The following ENTREP2 variants were observed in gnomAD, a reference collection of about 807,000 sequenced individuals.
The protein encoded by ENTREP2 is endosomal transmembrane epsin interactor 2.
chr15:29,574,170 T>C, the ENTREP2 span, among the ~76,000 whole-genome samples: 2 of 152,242 alleles, frequency 1.3e-5, no homozygotes, highest in South Asian at 2.1e-4. Flanking sequence ...AAAAGCATTA[T>C]AATCATACAT....
chr15:29,510,400 T>C, the ENTREP2 span, among the ~76,000 whole-genome samples: 1 of 152,232 alleles, frequency 6.6e-6, no homozygotes, highest in African/African-American at 2.4e-5. Flanking sequence ...CATTACTGGG[T>C]ATATACCCAA....
the ENTREP2 span, among the ~76,000 whole-genome samples, chr15:29,171,398 T>C: frequency 6.6e-6 from 1 of 152,152 alleles, no homozygotes; most frequent in Non-Finnish European, 1.5e-5. Flanking sequence ...AGAGCCACCC[T>C]CACTCACATC....
chr15:29,513,883 C>T, the ENTREP2 span, among the ~76,000 whole-genome samples: 2 of 152,198 alleles, frequency 1.3e-5, no homozygotes, highest in East Asian at 3.9e-4. Flanking sequence ...CAATACCTGG[C>T]GCTGTTCTTG....
At chr15:29,371,617 G>A in the ENTREP2 span, among the ~76,000 whole-genome samples, 1 of 151,950 alleles carries the variant, frequency 6.6e-6, no homozygotes, top group African/African-American at 2.4e-5. Context: ...TTAAATGAGT[G>A]TTTCATAAAA....
At chr15:29,211,868 A>G in the ENTREP2 span, among the ~76,000 whole-genome samples, 1 of 150,896 alleles carries the variant, frequency 6.6e-6, no homozygotes, top group Non-Finnish European at 1.5e-5. Context: ...ATGTTGTTGG[A>G]TTTGGTTAGC....
the ENTREP2 span, among the ~76,000 whole-genome samples, chr15:29,648,311 T>A: frequency 1.3e-5 from 2 of 152,184 alleles, no homozygotes; most frequent in Non-Finnish European, 2.9e-5. Context: ...CTGTAGATAT[T>A]ATCCTTGTCG....
At chr15:29,444,234 GAAAGAAAGAA>G in the ENTREP2 span, among the ~76,000 whole-genome samples, 4 of 144,154 alleles carry the variant, frequency 2.8e-5, no homozygotes, top group Non-Finnish European at 4.7e-5. Context: ...AAGAAAGAAA[GAAAGAAAGAA>G]AGAAAGAGAA....
chr15:29,674,651 T>C, the ENTREP2 span, among the ~76,000 whole-genome samples: 11 of 149,204 alleles, frequency 7.4e-5, no homozygotes, highest in Non-Finnish European at 1.6e-4. Context: ...TATCGAGGGA[T>C]GGAAGGGAGA....
the ENTREP2 span, among the ~76,000 whole-genome samples, chr15:29,231,779 T>C: frequency 5.3e-5 from 8 of 152,114 alleles, no homozygotes; most frequent in African/African-American, 9.7e-5. Context: ...ATTCTTTCTT[T>C]GTCAAGAATG....
chr15:29,649,022 G>A, the ENTREP2 span, among the ~76,000 whole-genome samples: 1 of 150,742 alleles, frequency 6.6e-6, no homozygotes, highest in African/African-American at 2.4e-5. Flanking sequence ...AGAACTAGTA[G>A]CCCTTACCAG....
At chr15:29,645,353 C>T in the ENTREP2 span, among the ~76,000 whole-genome samples, 1 of 152,058 alleles carries the variant, frequency 6.6e-6, no homozygotes, top group Non-Finnish European at 1.5e-5. Context: ...AAGGAGGACT[C>T]AAAGGCAAAA....
chr15:29,640,678 A>AAAACAAAACAAAACAAAAC, the ENTREP2 span, among the ~76,000 whole-genome samples: 12 of 122,928 alleles, frequency 9.8e-5, no homozygotes, highest in African/African-American at 5.0e-4. Context: ...CAAAACAAAA[A>AAAACAAAACAAAACAAAAC]AACCAAAAAG....
chr15:29,493,326 G>T, the ENTREP2 span, among the ~76,000 whole-genome samples: 1 of 150,046 alleles, frequency 6.7e-6, no homozygotes, highest in Non-Finnish European at 1.5e-5. Flanking sequence ...GTAGAGACGG[G>T]GTTTCACCGT....
chr15:29,452,692 TCCA>T, the ENTREP2 span: 1 of 152,276 alleles, frequency 6.6e-6, no homozygotes. Context: ...GCTGCCCAAA[TCCA>T]CGTCTTTTCT....
chr15:29,262,926 G>T, the ENTREP2 span, among the ~76,000 whole-genome samples: 7 of 152,200 alleles, frequency 4.6e-5, no homozygotes, highest in African/African-American at 1.2e-4. Context: ...TGCTTCCTCC[G>T]TAGGGGAAAC....
the ENTREP2 span, among the ~76,000 whole-genome samples, chr15:29,313,005 C>T: frequency 6.6e-6 from 1 of 152,206 alleles, no homozygotes; most frequent in Non-Finnish European, 1.5e-5. Flanking sequence ...ATCAAGAAAA[C>T]AGCCTTATCG....
the ENTREP2 span, among the ~76,000 whole-genome samples, chr15:29,153,661 T>A: frequency 2.0e-5 from 3 of 152,338 alleles, no homozygotes; most frequent in African/African-American, 7.2e-5. Context: ...GAACAAAAAA[T>A]TTTAATGTTC....
chr15:29,641,492 A>C, the ENTREP2 span, among the ~76,000 whole-genome samples: 14 of 152,246 alleles, frequency 9.2e-5, no homozygotes, highest in Non-Finnish European at 2.1e-4. Context: ...AATATCAAAA[A>C]ATCAGTTGTA....
chr15:29,138,621 G>A, the ENTREP2 span, among the ~76,000 whole-genome samples: 1 of 147,274 alleles, frequency 6.8e-6, no homozygotes, highest in South Asian at 2.2e-4. Context: ...TTGTATGTAT[G>A]TGTATGTGCA....
Sources: gnomAD v4.1 joint callset for allele counts (sites outside exome capture counted in the v4.1 genomes callset) on GRCh38, gnomAD v4.1.1 for gene constraint, MANE v1.5 for transcripts, NCBI Gene and HGNC (gene_info 2026-07-23, HGNC 2026-07-21) for gene names.